Variants in SNX30 observed in about 807,000 individuals in gnomAD.
SNX30 encodes the protein sorting nexin family member 30, also known as sorting nexin-30.
Under a neutral mutation model 46.4 loss-of-function variants are expected in SNX30, and 24 were observed. That is an observed-to-expected ratio of 0.52 (90% CI 0.37 to 0.73). The LOEUF (loss-of-function observed/expected upper bound fraction) is 0.73, where lower values mean the gene tolerates loss of function less well. Ranked by LOEUF, SNX30 falls within the 30% of genes least tolerant of loss-of-function variation. The probability of loss-of-function intolerance (pLI) is 0.00; values close to 1 mark genes in which losing one functional copy is unlikely to be tolerated. For synonymous variants in SNX30, 189 were observed against 211.5 expected (o/e 0.89, Z 0.92); for missense variants, 533 against 555.7 (o/e 0.96, Z 0.41).
chr9:112,839,806 C>T (rs1840826829), intron 6 of SNX30, among the ~76,000 whole-genome samples: 1 of 152,156 alleles, frequency 6.6e-6, no homozygotes, highest in Admixed American at 6.5e-5. Flanking sequence ...TAGGGACTGA[C>T]CTGAATTCCA....
chr9:112,828,648 G>A (rs539834416), intron 3 of SNX30, among the ~76,000 whole-genome samples: 139 of 152,280 alleles, frequency 9.1e-4, no homozygotes, highest in African/African-American at 2.9e-3. Context: ...TCAGGGATCC[G>A]TTGACAGGGA....
downstream of SNX30, among the ~76,000 whole-genome samples, chr9:112,884,710 C>T (rs1324024264): frequency 2.0e-5 from 3 of 152,208 alleles, no homozygotes; most frequent in African/African-American, 4.8e-5. Context: ...AAGTGCCTTA[C>T]CTGCATAAGC....
intron 1 of SNX30, among the ~76,000 whole-genome samples, chr9:112,778,514 C>T (rs898418283): frequency 1.1e-4 from 16 of 152,194 alleles, no homozygotes; most frequent in South Asian, 4.2e-4. Context: ...TTAGGTGATC[C>T]GCCAGCCTCG....
chr9:112,762,492 G>A (rs553578398), intron 1 of SNX30, among the ~76,000 whole-genome samples: 18 of 151,960 alleles, frequency 1.2e-4, no homozygotes, highest in African/African-American at 2.9e-4. Context: ...AGATGGTTGC[G>A]GTAGCATGTG....
At position 112,774,150 on chromosome 9, in the gene SNX30, C is replaced by T. The variant is rs56323415; in HGVS notation, c.156+22993C>T. On this transcript the variant is annotated intron_variant, in intron 1 of 8. Coordinates refer to ENST00000374232, the MANE Select transcript of SNX30 (RefSeq NM_001012994.2). ...GTGCTAGGTGCTGCTAGCCAAATCC[C>T]CACTGGAGAGTCTGTTGCATTTCAG... Among the ~76,000 whole-genome samples, 693 of 152,230 alleles carry T rather than the reference C, an allele frequency of 4.6e-3. 1 individual carries two copies. The highest frequency in any genetic ancestry group is 7.3e-3 in the Non-Finnish European group (496 of 68,014).
At chr9:112,863,088 G>A (rs1261233487) in intron 7 of SNX30, among the ~76,000 whole-genome samples, 2 of 152,158 alleles carry the variant, frequency 1.3e-5, no homozygotes, top group African/African-American at 4.8e-5. Context: ...TCTCCACGTG[G>A]TCTGTGGAGA....
chr9:112,824,702 G>A (rs1840554946), intron 3 of SNX30, among the ~76,000 whole-genome samples: 1 of 152,088 alleles, frequency 6.6e-6, no homozygotes, highest in African/African-American at 2.4e-5. Flanking sequence ...AGCTCTTGGG[G>A]CTGTCTGCAT....
chr9:112,885,533 GTC>G (rs1841631891), downstream of SNX30: 1 of 152,084 alleles, frequency 6.6e-6, no homozygotes, highest in East Asian at 1.9e-4. Flanking sequence ...GGGCCTAACA[GTC>G]TAAAGAGAAC....
intron 6 of SNX30, among the ~76,000 whole-genome samples, chr9:112,847,277 C>T (rs536441743): frequency 1.5e-3 from 227 of 152,204 alleles, no homozygotes; most frequent in African/African-American, 4.8e-3. Flanking sequence ...CCAGCCGTCC[C>T]GCGCATATCC....
intron 1 of SNX30, among the ~76,000 whole-genome samples, chr9:112,790,861 G>C (rs957072505): frequency 6.6e-6 from 1 of 152,142 alleles, no homozygotes. Flanking sequence ...CTGACCTATT[G>C]CCATGAACTC....
At chr9:112,858,547 C>G (rs756312031) in intron 7 of SNX30, among the ~76,000 whole-genome samples, 1 of 152,126 alleles carries the variant, frequency 6.6e-6, no homozygotes, top group Non-Finnish European at 1.5e-5. Flanking sequence ...AAAAAGAATG[C>G]TTAGTGTTAC....
intron 7 of SNX30, among the ~76,000 whole-genome samples, chr9:112,855,600 G>T (rs1038752360): frequency 3.3e-5 from 5 of 152,148 alleles, no homozygotes; most frequent in Non-Finnish European, 7.4e-5. Flanking sequence ...GTCCTAGGAC[G>T]TCTTGTGGGG....
intron 1 of SNX30, among the ~76,000 whole-genome samples, chr9:112,791,772 A>G (rs1423493913): frequency 6.6e-6 from 1 of 152,168 alleles, no homozygotes; most frequent in African/African-American, 2.4e-5. Context: ...GATATGAGTG[A>G]TGCCAGTAAA....
rs1219477432 is a variant in SNX30 at position 112,865,653 on chromosome 9, A to ATGTGTGTGTGTGTGTGTG, written c.1254+1255_1254+1256insGTGTGTGTGTGTGTGTGT. Among the ~76,000 whole-genome samples, 30 of 110,442 alleles carry ATGTGTGTGTGTGTGTGTG rather than the reference A, an allele frequency of 2.7e-4. 1 individual carries two copies. The highest frequency in any genetic ancestry group is 5.1e-4 in the Non-Finnish European group (27 of 53,318). 72.5% of individuals were successfully genotyped at this position (110,442 alleles called of 152,430 possible). A position where few individuals can be genotyped will look rare whatever the true frequency, so the allele number is the denominator to read the frequency against. ...TATATATATATATATATATATATATATATATATATGTATGTATGTATGCAC... is the reference window on the plus strand; with the variant it reads ...TATATATATATATATATATATATATATGTGTGTGTGTGTGTGTGTATATATATGTATGTATGTATGCAC... On this transcript the variant is annotated intron_variant, in intron 8 of 8. Transcript: ENST00000374232.
chr9:112,761,083 G>C (rs900340206), intron 1 of SNX30, among the ~76,000 whole-genome samples: 1 of 152,212 alleles, frequency 6.6e-6, no homozygotes, highest in Non-Finnish European at 1.5e-5. Context: ...AGGTTAATGA[G>C]ACTGTTTTGA....
At chr9:112,827,525 G>A (rs1840595155) in intron 3 of SNX30, among the ~76,000 whole-genome samples, 1 of 152,166 alleles carries the variant, frequency 6.6e-6, no homozygotes, top group Admixed American at 6.5e-5. Flanking sequence ...TTCTTTTCCA[G>A]GGGGTGGGGT....
At position 112,869,015 on chromosome 9, in the gene SNX30, T is replaced by G; in HGVS notation, c.*172T>G. The G allele has an allele frequency of 1.5e-6, 1 of 647,054 alleles. No individual in the cohort carries two copies. The highest frequency in any genetic ancestry group is 1.8e-5 in the South Asian group (1 of 56,088). 40.1% of individuals were successfully genotyped at this position (647,054 alleles called of 1,614,324 possible). A position where few individuals can be genotyped will look rare whatever the true frequency, so the allele number is the denominator to read the frequency against. On this transcript the variant is annotated 3_prime_UTR_variant, in exon 9 of 9. Coordinates refer to ENST00000374232, the MANE Select transcript of SNX30 (RefSeq NM_001012994.2). ...ACCCCACAGTGGTTTTCAATTAGTA[T>G]TTATTCCATGGTGGAGTCTGTGAGG... is the stretch of plus-strand genomic sequence containing the variant.
At chr9:112,851,455 G>T (rs777508997) in intron 7 of SNX30, among the ~76,000 whole-genome samples, 1 of 152,212 alleles carries the variant, frequency 6.6e-6, no homozygotes, top group Non-Finnish European at 1.5e-5. Flanking sequence ...GGTTCTGCAC[G>T]GCAGGACTAC....
intron 7 of SNX30, among the ~76,000 whole-genome samples, chr9:112,863,418 G>T (rs1424279600): frequency 6.6e-6 from 1 of 152,246 alleles, no homozygotes; most frequent in Admixed American, 6.5e-5. Context: ...GCTTTGGGAA[G>T]CGCTGCAGCC....
Sources: allele counts gnomAD v4.1 joint callset (sites outside exome capture counted in the v4.1 genomes callset), GRCh38; gene constraint gnomAD v4.1.1; transcripts MANE v1.5; gene names NCBI Gene and HGNC (gene_info 2026-07-23, HGNC 2026-07-21).